COL24A1: variants seen among roughly 807,000 people sequenced by gnomAD.
COL24A1 encodes collagen alpha-1(XXIV) chain.
A neutral mutation model predicts 253.9 loss-of-function variants in COL24A1; 224 were observed. The observed-to-expected ratio is 0.88, with a 90% CI of 0.79 to 0.99. The LOEUF is 0.99. COL24A1 is among the 50% of genes least tolerant of loss of function. The pLI is 0.00. For missense variants in COL24A1, 2,131 were observed against 2,068.5 expected (o/e 1.03, Z -0.59); for synonymous variants, 685 against 673.7 (o/e 1.02, Z -0.26).
rs185546274 is a variant in COL24A1 at position 86,131,143 on chromosome 1, C to G, written c.122-4929G>C. Reference sequence around the variant, plus strand: ...AGTCAGCTAAATATTTTTCTCCTTACAAGTGACTCCGTAGTTATCAACATT... The same window carrying G: ...AGTCAGCTAAATATTTTTCTCCTTAGAAGTGACTCCGTAGTTATCAACATT... On this transcript the variant is annotated intron_variant, in intron 2 of 59. Transcript: ENST00000370571. Among the ~76,000 whole-genome samples, 389 of 152,060 alleles carry G rather than the reference C, an allele frequency of 2.6e-3. 1 individual carries two copies. The highest frequency in any genetic ancestry group is 6.8e-3 in the Middle Eastern group (2 of 294).
chr1:86,040,416 T>G (rs993616680), intron 12 of COL24A1, among the ~76,000 whole-genome samples: 2 of 150,970 alleles, frequency 1.3e-5, no homozygotes, highest in African/African-American at 2.4e-5. Context: ...CTGCACCCAC[T>G]AACTCGTCAT....
At chr1:85,900,332 C>G (rs1177358136) in intron 28 of COL24A1, among the ~76,000 whole-genome samples, 1 of 152,106 alleles carries the variant, frequency 6.6e-6, no homozygotes, top group African/African-American at 2.4e-5. Context: ...AAGCACCACA[C>G]TACATGACTT....
intron 24 of COL24A1, among the ~76,000 whole-genome samples, chr1:85,926,277 A>G (rs899386757): frequency 5.3e-5 from 8 of 152,240 alleles, no homozygotes; most frequent in African/African-American, 1.9e-4. Context: ...CAATTCCTCA[A>G]GGATCTAGAA....
intron 37 of COL24A1, among the ~76,000 whole-genome samples, chr1:85,867,075 T>C (rs1679877002): frequency 6.6e-6 from 1 of 152,204 alleles, no homozygotes; most frequent in Non-Finnish European, 1.5e-5. Context: ...TTGATAAAAA[T>C]GAATGGTAAG....
At chr1:86,058,034 T>C in intron 9 of COL24A1, 59 bp from the exon 10 acceptor site, 3 of 1,409,542 alleles carry the variant, frequency 2.1e-6, no homozygotes, top group Non-Finnish European at 3.0e-6. Flanking sequence ...AGTTAATAAA[T>C]AGATTAATAA....
chr1:85,842,044 T>G, intron 41 of COL24A1, 24 bp downstream of exon 41: 1 of 1,604,632 alleles, frequency 6.2e-7, no homozygotes, highest in Non-Finnish European at 8.5e-7. Context: ...ACTTTAAGAT[T>G]AAAAAGCCAA....
At chr1:85,825,050 T>C (rs1468529748) in intron 43 of COL24A1, among the ~76,000 whole-genome samples, 1 of 151,320 alleles carries the variant, frequency 6.6e-6, no homozygotes, top group Non-Finnish European at 1.5e-5. Context: ...ATTAGGTATA[T>C]CCCCCAATGC....
intron 2 of COL24A1, among the ~76,000 whole-genome samples, chr1:86,138,845 C>A (rs1650642681): frequency 6.7e-6 from 1 of 148,684 alleles, no homozygotes; most frequent in African/African-American, 2.4e-5. Context: ...CAAAGCTTAT[C>A]TGCTTTTTTT....
rs989540011 is a variant in COL24A1 at position 85,868,590 on chromosome 1, C to G, written c.3229G>C (p.Gly1077Arg). 1.2e-6 allele frequency: 2 copies of G among 1,613,902 alleles called. No individual in the cohort carries two copies. The highest frequency in any genetic ancestry group is 1.7e-6 in the Non-Finnish European group (2 of 1,179,884). ...GGTAAGCCCATCTCTCCTTTTTCTC[C>G]ATCCTCTCCAGGAAGTCCCCTTCCT... ...PGGRGLPGED[G>R]EKGEMGLPGI... The change falls in exon 37 of 60, where the codon GGA (glycine) becomes CGA (arginine). Residue 1077 changes from glycine to arginine, a missense_variant. By Grantham distance (125) the Gly-to-Arg change is moderately radical. Transcript: ENST00000370571.
At chr1:86,059,286 A>C (rs1171516969) in intron 8 of COL24A1, 112 bp from the exon 9 acceptor site, 1 of 642,264 alleles carries the variant, frequency 1.6e-6, no homozygotes, top group Admixed American at 3.6e-5. Flanking sequence ...ACGGAGTCCT[A>C]CACATGGCTT....
At chr1:86,105,093 G>A (rs1475869987) in intron 5 of COL24A1, among the ~76,000 whole-genome samples, 1 of 152,168 alleles carries the variant, frequency 6.6e-6, no homozygotes, top group African/African-American at 2.4e-5. Flanking sequence ...TGTTCTTTGT[G>A]CCTAGTTTCA....
At chr1:85,778,400 A>T (rs893231052) in intron 52 of COL24A1, among the ~76,000 whole-genome samples, 3 of 151,816 alleles carry the variant, frequency 2.0e-5, no homozygotes, top group Admixed American at 1.3e-4. Context: ...ACTGTTCCCA[A>T]CTGAGCTCTT....
At position 85,989,476 on chromosome 1, in the gene COL24A1, C is replaced by G. The variant is rs558054121; in HGVS notation, c.2311-1822G>C. 5.0e-4 allele frequency among the ~76,000 whole-genome samples: 76 copies of G among 152,218 alleles called. 1 individual carries two copies. The highest frequency in any genetic ancestry group is 1.7e-3 in the African/African-American group (72 of 41,542). On this transcript the variant is annotated intron_variant, in intron 19 of 59. Coordinates refer to ENST00000370571, the MANE Select transcript of COL24A1 (RefSeq NM_152890.7). ...TTTCTACAAACCTCCCTCCACAACC[C>G]TAGGGCAAGTCACTTTCTCTATTTT... is the stretch of plus-strand genomic sequence containing the variant.
chr1:85,950,148 T>G (rs377759472), intron 24 of COL24A1, among the ~76,000 whole-genome samples: 111 of 152,290 alleles, frequency 7.3e-4, no homozygotes, highest in African/African-American at 2.6e-3. Flanking sequence ...CCATAAAATA[T>G]TGTATCATAA....
chr1:85,870,866 A>T (rs1050871084), intron 35 of COL24A1, among the ~76,000 whole-genome samples: 14 of 152,194 alleles, frequency 9.2e-5, no homozygotes, highest in African/African-American at 2.7e-4. Flanking sequence ...ACTGAAGGAG[A>T]TAGAGACAGA....
intron 19 of COL24A1, among the ~76,000 whole-genome samples, chr1:86,000,661 G>T (rs1335649257): frequency 6.6e-6 from 1 of 152,214 alleles, no homozygotes; most frequent in African/African-American, 2.4e-5. Flanking sequence ...GATATAGCCA[G>T]ATTTTTGAAA....
chr1:86,077,556 C>G (rs374666068), intron 7 of COL24A1, among the ~76,000 whole-genome samples: 10 of 152,196 alleles, frequency 6.6e-5, no homozygotes, highest in African/African-American at 1.4e-4. Flanking sequence ...TATTGCAGCA[C>G]TATTCACAAT....
intron 2 of COL24A1, among the ~76,000 whole-genome samples, chr1:86,136,403 A>G (rs1226441022): frequency 6.7e-6 from 1 of 149,400 alleles, no homozygotes; most frequent in Non-Finnish European, 1.5e-5. Context: ...TTCTGAGCAC[A>G]TTTTGGGGAT....
At chr1:85,805,475 T>C (rs890603102) in intron 47 of COL24A1, among the ~76,000 whole-genome samples, 2 of 152,180 alleles carry the variant, frequency 1.3e-5, no homozygotes, top group Non-Finnish European at 2.9e-5. Flanking sequence ...AAATCAGTAA[T>C]AACTACCTAG....
Sources: allele counts gnomAD v4.1 joint callset (sites outside exome capture counted in the v4.1 genomes callset), GRCh38; gene constraint gnomAD v4.1.1; transcripts MANE v1.5; gene names NCBI Gene and HGNC (gene_info 2026-07-23, HGNC 2026-07-21).